Variants in CAMK2A observed in about 807,000 individuals in gnomAD.
The protein encoded by CAMK2A is calcium/calmodulin dependent protein kinase II alpha.
Under a neutral mutation model 79.2 loss-of-function variants are expected in CAMK2A, and 7 were observed. That is an observed-to-expected ratio of 0.09 (90% CI 0.05 to 0.17). The LOEUF is 0.17. Among genes scored for constraint, CAMK2A ranks in the 10% least tolerant of loss-of-function variants. The probability of loss-of-function intolerance (pLI) is 1.00; values close to 1 mark genes in which losing one functional copy is unlikely to be tolerated. For missense variants in CAMK2A, 214 were observed against 646.4 expected (o/e 0.33, Z 7.25); for synonymous variants, 242 against 251.7 (o/e 0.96, Z 0.36).
chr5:150,276,611 A>C (rs1756957746), intron 1 of CAMK2A, among the ~76,000 whole-genome samples: 1 of 152,168 alleles, frequency 6.6e-6, no homozygotes, highest in African/African-American at 2.4e-5. Flanking sequence ...AAGCCCTATG[A>C]GAAAGAAGCT....
intron 3 of CAMK2A, among the ~76,000 whole-genome samples, chr5:150,260,310 T>C (rs1756250138): frequency 6.6e-6 from 1 of 151,820 alleles, no homozygotes; most frequent in East Asian, 1.9e-4. Flanking sequence ...CAAAACAAAA[T>C]TAGCCAGGCG....
intron 1 of CAMK2A, among the ~76,000 whole-genome samples, chr5:150,287,998 A>T (rs1482763684): frequency 6.6e-6 from 1 of 150,760 alleles, no homozygotes. Context: ...TCCTGTATAC[A>T]GTCACAGGGC....
intron 13 of CAMK2A, 107 bp from the exon 14 acceptor site, chr5:150,239,843 C>T: frequency 1.1e-6 from 1 of 930,278 alleles, no homozygotes; most frequent in Non-Finnish European, 1.8e-6. Context: ...GCCTCGGGGT[C>T]ATCCTCTGTA....
chr5:150,261,783 G>T (rs1398056370), intron 3 of CAMK2A, among the ~76,000 whole-genome samples: 1 of 152,182 alleles, frequency 6.6e-6, no homozygotes, highest in Non-Finnish European at 1.5e-5. Flanking sequence ...ATGGGCAAAT[G>T]ACTTAACCTC....
At chr5:150,227,889 G>A (rs531841952) in intron 17 of CAMK2A, among the ~76,000 whole-genome samples, 4 of 152,138 alleles carry the variant, frequency 2.6e-5, no homozygotes, top group Non-Finnish European at 4.4e-5. Context: ...TGGGAATCAA[G>A]GCCCTCCCCA....
chr5:150,257,630 C>T lies in CAMK2A; in HGVS notation c.218-13G>A. On this transcript the variant is annotated splice_polypyrimidine_tract_variant and intron_variant, in intron 3 of 18. Coordinates refer to ENST00000671881, the MANE Select transcript of CAMK2A (RefSeq NM_015981.4). ...TCATGTAGTCGGACTGTGGGCGGGG[C>T]AAGGCAGTTGGTTACAGTGGGACAC... The T allele has an allele frequency of 1.3e-6, 2 of 1,561,898 alleles. No homozygotes were observed. The highest frequency in any genetic ancestry group is 1.7e-6 in the Non-Finnish European group (2 of 1,152,876).
chr5:150,287,955 G>GTGTGTT (rs1285262584), intron 1 of CAMK2A, among the ~76,000 whole-genome samples: 1 of 151,578 alleles, frequency 6.6e-6, no homozygotes, highest in Non-Finnish European at 1.5e-5. Flanking sequence ...GTGTGTGTGT[G>GTGTGTT]TGTGTGTGTG....
intron 3 of CAMK2A, among the ~76,000 whole-genome samples, chr5:150,261,579 C>G (rs942938909): frequency 6.6e-6 from 1 of 152,180 alleles, no homozygotes; most frequent in African/African-American, 2.4e-5. Flanking sequence ...TTCTGGCATG[C>G]CTGTGATTTT....
chr5:150,282,807 C>T (rs1757270029), intron 1 of CAMK2A, among the ~76,000 whole-genome samples: 1 of 152,260 alleles, frequency 6.6e-6, no homozygotes, highest in Non-Finnish European at 1.5e-5. Flanking sequence ...GGCAGGAGGC[C>T]TGCAAGGAAG....
chr5:150,229,069 CA>C, intron 16 of CAMK2A, among the ~76,000 whole-genome samples: 1 of 152,138 alleles, frequency 6.6e-6, no homozygotes, highest in Non-Finnish European at 1.5e-5. Flanking sequence ...GTGACAATAG[CA>C]ATGAAGCCAG....
At position 150,222,343 on chromosome 5, in the gene CAMK2A, T is replaced by C. The variant is rs1754354313; in HGVS notation, c.*367A>G. ...GCTGCCTTCCTCATCATGCCACCCC[T>C]CCTTCTCCCCAGCCCCTGGTGGGCA... On this transcript the variant is annotated 3_prime_UTR_variant, in exon 19 of 19. Coordinates refer to ENST00000671881, the MANE Select transcript of CAMK2A (RefSeq NM_015981.4). The C allele has an allele frequency of 1.6e-6, 1 of 608,646 alleles. No homozygotes were observed. Among genetic ancestry groups the C allele is most frequent in the Admixed American group, 2.7e-5 (1 of 37,352 alleles). The allele number at this position is 608,646 out of a possible 1,614,324, so 37.7% of individuals were successfully genotyped here.
At chr5:150,271,728 T>C (rs1441785981) in intron 2 of CAMK2A, among the ~76,000 whole-genome samples, 1 of 152,228 alleles carries the variant, frequency 6.6e-6, no homozygotes, top group African/African-American at 2.4e-5. Context: ...TCTCTGAAGA[T>C]AACCCTTTCC....
chr5:150,225,664 G>A (rs1754567429), intron 17 of CAMK2A, among the ~76,000 whole-genome samples: 1 of 152,190 alleles, frequency 6.6e-6, no homozygotes, highest in South Asian at 2.1e-4. Flanking sequence ...TGGCTACCAT[G>A]ATCAGTGAGG....
intron 3 of CAMK2A, among the ~76,000 whole-genome samples, chr5:150,263,580 C>T (rs1756386873): frequency 6.6e-6 from 1 of 151,952 alleles, no homozygotes; most frequent in Admixed American, 6.6e-5. Flanking sequence ...CACACACATA[C>T]ATGCATACAC....
At position 150,247,763 on chromosome 5, in the gene CAMK2A, G is replaced by T; in HGVS notation, c.943+9C>A. 6.2e-7 allele frequency: 1 copy of T among 1,608,918 alleles called. No individual in the cohort carries two copies. The highest frequency in any genetic ancestry group is 2.2e-5 in the East Asian group (1 of 44,770). On this transcript the variant is annotated intron_variant, in intron 12 of 18. Transcript: ENST00000671881. ...GGCTTACTGGGGACCCTGAGGTCCTGCCACCTACCGGAGAAGTTCCTGGTG... is the reference window on the plus strand; with the variant it reads ...GGCTTACTGGGGACCCTGAGGTCCTTCCACCTACCGGAGAAGTTCCTGGTG...
At chr5:150,235,428 G>T (rs1004173892) in intron 15 of CAMK2A, among the ~76,000 whole-genome samples, 8 of 152,250 alleles carry the variant, frequency 5.3e-5, no homozygotes, top group Admixed American at 5.2e-4. Flanking sequence ...ATCCGGGAAT[G>T]CTCCCCTACA....
Position 150,278,559 on chromosome 5 carries a change from C to T in CAMK2A, c.63-5400G>A, listed in dbSNP as rs114133637. 3.9e-3 allele frequency among the ~76,000 whole-genome samples: 600 copies of T among 151,936 alleles called. 7 individuals carry two copies. Among genetic ancestry groups the T allele is most frequent in the African/African-American group, 0.014 (567 of 41,418 alleles). On this transcript the variant is annotated intron_variant, in intron 1 of 18. Coordinates refer to ENST00000671881, the MANE Select transcript of CAMK2A (RefSeq NM_015981.4). ...GAACAGGACAGGGCAGGAGAGGCAA[C>T]GAGGCCAAGTTGGGGAGGGCAAGGG...
At chr5:150,245,337 G>A in intron 12 of CAMK2A, 136 bp from the exon 13 acceptor site, 1 of 648,472 alleles carries the variant, frequency 1.5e-6, no homozygotes, top group East Asian at 2.9e-5. Context: ...TCCTGGGGGA[G>A]GCCTCCTCCT....
chr5:150,271,586 A>G (rs918982548), intron 2 of CAMK2A, among the ~76,000 whole-genome samples: 1 of 151,836 alleles, frequency 6.6e-6, no homozygotes, highest in African/African-American at 2.4e-5. Context: ...CTCACACAAC[A>G]TCTCCCGCAC....
Sources: gnomAD v4.1 joint callset for allele counts (sites outside exome capture counted in the v4.1 genomes callset) on GRCh38, gnomAD v4.1.1 for gene constraint, MANE v1.5 for transcripts, NCBI Gene and HGNC (gene_info 2026-07-23, HGNC 2026-07-21) for gene names.